Variants in TEK observed in about 807,000 individuals in gnomAD.
The protein encoded by TEK is TEK receptor tyrosine kinase, also known as angiopoietin-1 receptor.
TEK carries 43 observed loss-of-function variants against 131.8 expected under a neutral mutation model. That is an observed-to-expected ratio of 0.33 (90% CI 0.26 to 0.42). The LOEUF (loss-of-function observed/expected upper bound fraction) is 0.42. TEK is among the 10% of genes least tolerant of loss of function. The pLI, the probability that TEK is intolerant of heterozygous loss-of-function variation, is 1.00. For missense variants in TEK, 1,162 were observed against 1,384.4 expected, an observed-to-expected ratio of 0.84 and a Z score of 2.55; for synonymous variants, 580 against 491.6, an observed-to-expected ratio of 1.18 and a Z score of -2.38.
intron 1 of TEK, among the ~76,000 whole-genome samples, chr9:27,112,940 A>G (rs2131024914): frequency 1.3e-5 from 2 of 152,368 alleles, no homozygotes. Context: ...CATGGAAGAC[A>G]ACATAGGCTC....
intron 1 of TEK, among the ~76,000 whole-genome samples, chr9:27,118,373 G>A (rs1821649436): frequency 1.3e-5 from 2 of 152,108 alleles, no homozygotes; most frequent in Non-Finnish European, 1.5e-5. Context: ...GGTGGCTCGT[G>A]CTTGTAATCC....
At chr9:27,137,946 A>C (rs956973800) in intron 1 of TEK, among the ~76,000 whole-genome samples, 3 of 152,032 alleles carry the variant, frequency 2.0e-5, no homozygotes, top group African/African-American at 7.2e-5. Context: ...TTGTTCCTTC[A>C]GATGTGTCTG....
intron 17 of TEK, 77 bp downstream of exon 17, chr9:27,212,974 G>A: frequency 3.4e-6 from 5 of 1,477,620 alleles, no homozygotes; most frequent in Non-Finnish European, 4.6e-6. Context: ...TGTTTGTAGG[G>A]TCTGTCAACC....
chr9:27,121,477 T>G (rs2131041701), intron 1 of TEK, among the ~76,000 whole-genome samples: 1 of 149,222 alleles, frequency 6.7e-6, no homozygotes, highest in Admixed American at 6.7e-5. Context: ...TATAAATATA[T>G]TTTATAAATT....
At chr9:27,166,487 A>T (rs1225939261) in intron 2 of TEK, among the ~76,000 whole-genome samples, 7 of 152,190 alleles carry the variant, frequency 4.6e-5, no homozygotes, top group African/African-American at 1.7e-4. Flanking sequence ...TGCATATATA[A>T]TTTCAGGATT....
intron 7 of TEK, among the ~76,000 whole-genome samples, chr9:27,181,791 CAT>C (rs1824386508): frequency 6.6e-6 from 1 of 152,132 alleles, no homozygotes; most frequent in African/African-American, 2.4e-5. Context: ...AAGAAGCAGA[CAT>C]ATGTATTTTC....
At chr9:27,169,718 T>C in intron 4 of TEK, 89 bp downstream of exon 4, 1 of 1,580,312 alleles carries the variant, frequency 6.3e-7, no homozygotes, top group South Asian at 1.1e-5. Context: ...TAACCATGGC[T>C]TCTTAAGCAA....
intron 9 of TEK, among the ~76,000 whole-genome samples, chr9:27,189,091 T>C (rs1424169082): frequency 6.6e-6 from 1 of 152,070 alleles, no homozygotes; most frequent in Non-Finnish European, 1.5e-5. Flanking sequence ...ATCTGAAAGG[T>C]TCTGCATTGT....
intron 1 of TEK, among the ~76,000 whole-genome samples, chr9:27,142,790 G>A (rs997461990): frequency 3.3e-5 from 5 of 152,196 alleles, no homozygotes; most frequent in East Asian, 1.9e-4. Context: ...TTTAGTCATC[G>A]CTGTTGCTTA....
At chr9:27,119,675 A>G (rs929092970) in intron 1 of TEK, among the ~76,000 whole-genome samples, 3 of 152,050 alleles carry the variant, frequency 2.0e-5, no homozygotes, top group African/African-American at 4.8e-5. Flanking sequence ...TGGGCTCCCA[A>G]CCTTTTTCCT....
chr9:27,218,136 G>GGGC (rs1554702624), intron 19 of TEK, among the ~76,000 whole-genome samples: 15 of 150,330 alleles, frequency 1.0e-4, no homozygotes, highest in Admixed American at 2.6e-4. Flanking sequence ...ACAGTGGCGG[G>GGGC]GGTCGTCTCT....
At chr9:27,147,257 C>CT (rs1822965513) in intron 1 of TEK, among the ~76,000 whole-genome samples, 1 of 151,854 alleles carries the variant, frequency 6.6e-6, no homozygotes, top group African/African-American at 2.4e-5. Context: ...TTTCTTTCTT[C>CT]TTTTTTTGTT....
At chr9:27,154,561 C>A (rs1348906821) in intron 1 of TEK, among the ~76,000 whole-genome samples, 1 of 152,172 alleles carries the variant, frequency 6.6e-6, no homozygotes, top group Non-Finnish European at 1.5e-5. Context: ...CATCGTTGTT[C>A]TTCTTTTTAT....
chr9:27,124,381 C>T (rs902276471), intron 1 of TEK, among the ~76,000 whole-genome samples: 10 of 152,214 alleles, frequency 6.6e-5, no homozygotes, highest in East Asian at 3.8e-4. Flanking sequence ...GATGACTCTG[C>T]GCACATATCA....
chr9:27,138,598 G>A lies in TEK; in HGVS notation c.53-19233G>A, dbSNP rs200035194. On this transcript the variant is annotated intron_variant, in intron 1 of 22. Coordinates refer to ENST00000380036, the MANE Select transcript of TEK (RefSeq NM_000459.5). ...CTCACTTTTAAAACTGTTGAGCAGAGTTCTTGATTTATTTATATTCAGTAG... is the reference window on the plus strand; with the variant it reads ...CTCACTTTTAAAACTGTTGAGCAGAATTCTTGATTTATTTATATTCAGTAG... Among the ~76,000 whole-genome samples the A allele has an allele frequency of 1.0e-3, 156 of 152,308 alleles. No homozygotes were observed. In the East Asian group the frequency reaches 0.022, roughly 22 times the overall value.
chr9:27,211,924 AG>A (rs1481774224), intron 16 of TEK, among the ~76,000 whole-genome samples: 2 of 152,042 alleles, frequency 1.3e-5, no homozygotes, highest in Admixed American at 1.3e-4. Context: ...AATTTTCGCA[AG>A]GGGATAATTT....
intron 7 of TEK, 136 bp downstream of exon 7, chr9:27,180,504 C>A: frequency 1.6e-6 from 2 of 1,259,350 alleles, no homozygotes; most frequent in Non-Finnish European, 1.1e-6. Context: ...AATAGTTTAT[C>A]CTAAATCCTA....
In TEK at chr9:27,197,547, C is replaced by A; in HGVS notation, c.1857C>A (p.Thr619=). 6.2e-7 allele frequency: 1 copy of A among 1,614,006 alleles called. No individual in the cohort carries two copies. Among genetic ancestry groups the A allele is most frequent in the Non-Finnish European group, 8.5e-7 (1 of 1,179,982 alleles). ...ACGTGGTCCGAGCTAGAGTCAACACCAAGGCCCAGGGGGAATGGAGTGAAG... is the reference window on the plus strand; with the variant it reads ...ACGTGGTCCGAGCTAGAGTCAACACAAAGGCCCAGGGGGAATGGAGTGAAG... ...EQYVVRARVN[T]KAQGEWSEDL... is the part of the protein sequence containing the mutation. Residue 619 remains threonine (T), a synonymous_variant, in exon 12 of 23, where the codon ACC becomes ACA. Transcript: ENST00000380036.
intron 22 of TEK, among the ~76,000 whole-genome samples, chr9:27,228,855 G>A (rs768690718): frequency 6.6e-6 from 1 of 152,128 alleles, no homozygotes; most frequent in Non-Finnish European, 1.5e-5. Context: ...ACAGAGGAAG[G>A]AACCCAGAAG....
Sources: allele counts gnomAD v4.1 joint callset (sites outside exome capture counted in the v4.1 genomes callset), GRCh38; gene constraint gnomAD v4.1.1; transcripts MANE v1.5; gene names NCBI Gene and HGNC (gene_info 2026-07-23, HGNC 2026-07-21).